Variants in NOD2 observed in about 807,000 individuals in gnomAD.
NOD2 encodes the protein nucleotide-binding oligomerization domain-containing protein 2.
Under a neutral mutation model 90.9 loss-of-function variants are expected in NOD2, and 86 were observed. The observed-to-expected ratio is 0.95, with a 90% CI of 0.79 to 1.13. The LOEUF (loss-of-function observed/expected upper bound fraction) is 1.13, where lower values mean the gene tolerates loss of function less well. NOD2 is among the 50% of genes most tolerant of loss of function. NOD2 has a pLI of 0.00. For missense variants in NOD2, 1,238 were observed against 1,283.8 expected (o/e 0.96, Z 0.55); for synonymous variants, 581 against 554.6 (o/e 1.05, Z -0.67).
At position 50,712,330 on chromosome 16, in the gene NOD2, G is replaced by A. The variant is rs748522514; in HGVS notation, c.2338G>A (p.Val780Met). The A allele has an allele frequency of 9.3e-6, 15 of 1,614,026 alleles. No homozygotes were observed. The highest frequency in any genetic ancestry group is 6.7e-5 in the East Asian group (3 of 44,890). ...LDYNSVGDIG[V>M]EQLLPCLGVC... ...CTACAACTCTGTGGGTGACATTGGC[G>A]TGGAGCAGCTGCTGCCTTGCCTTGG... The change falls in exon 4 of 12, where the codon GTG (valine) becomes ATG (methionine). Residue 780 changes from valine to methionine, a missense_variant. Around this residue, in one of 3 missense-constraint regions of NOD2, gnomAD observed 667 missense variants for 688.7 expected, o/e 0.97. Coordinates refer to ENST00000647318, the MANE Select transcript of NOD2 (RefSeq NM_001370466.1).
Position 50,707,861 on chromosome 16 carries a change from A to G in NOD2, c.466A>G (p.Arg156Gly), listed in dbSNP as rs1964269254. The G allele has an allele frequency of 1.2e-6, 2 of 1,612,462 alleles. No homozygotes were observed. The highest frequency in any genetic ancestry group is 1.7e-6 in the Non-Finnish European group (2 of 1,178,558). ...TCTTCTGCCTTTCCTGTAGGCAAGAAGGCTGCTTGATCTTGCCACGGTGAA... is the reference window on the plus strand; with the variant it reads ...TCTTCTGCCTTTCCTGTAGGCAAGAGGGCTGCTTGATCTTGCCACGGTGAA... The part of the protein sequence containing the change: ...PIFTPSQRAR[R>G]LLDLATVKAN... The change falls in exon 3 of 12, where the codon AGG becomes GGG. Residue 156 changes from arginine to glycine, a missense_variant. Arg to Gly is a moderately radical substitution (Grantham distance 125, BLOSUM62 -2). This residue lies in a region of NOD2 where 567 missense variants were observed against 577.3 expected (regional missense o/e 0.98). Transcript: ENST00000647318.
chr16:50,701,400 G>T (rs532879995), intron 2 of NOD2, among the ~76,000 whole-genome samples: 22 of 152,214 alleles, frequency 1.4e-4, no homozygotes, highest in African/African-American at 5.3e-4. Context: ...GTTCACATGA[G>T]TCTGGATAAC....
chr16:50,723,151 A>G, intron 8 of NOD2, 150 bp from the exon 9 acceptor site: 3 of 640,084 alleles, frequency 4.7e-6, no homozygotes, highest in South Asian at 1.8e-5. Context: ...AAAAAAAAAA[A>G]AAAGAAAAAA....
intron 7 of NOD2, 49 bp from the exon 8 acceptor site, chr16:50,722,573 A>G (rs752655295): frequency 3.9e-6 from 6 of 1,526,636 alleles, no homozygotes; most frequent in Non-Finnish European, 5.5e-6. Flanking sequence ...TCTAGAACAC[A>G]TATCAGGTAC....
intron 2 of NOD2, among the ~76,000 whole-genome samples, chr16:50,703,322 CA>C (rs1964022674): frequency 6.6e-6 from 1 of 152,002 alleles, no homozygotes; most frequent in Non-Finnish European, 1.5e-5. Flanking sequence ...AGTAGCAAGC[CA>C]AAAATAGCTG....
intron 9 of NOD2, among the ~76,000 whole-genome samples, chr16:50,724,065 G>A (rs907186318): frequency 1.3e-5 from 2 of 152,188 alleles, no homozygotes; most frequent in Non-Finnish European, 2.9e-5. Flanking sequence ...TGCTTATACT[G>A]TTGACCTGAA....
At chr16:50,717,405 T>C (rs1004652104) in intron 6 of NOD2, among the ~76,000 whole-genome samples, 39 of 152,214 alleles carry the variant, frequency 2.6e-4, no homozygotes, top group African/African-American at 8.4e-4. Flanking sequence ...AGGTTTGCAG[T>C]CCATCTGGTT....
intron 11 of NOD2, among the ~76,000 whole-genome samples, chr16:50,731,006 C>A (rs541527496): frequency 7.9e-5 from 12 of 152,154 alleles, no homozygotes; most frequent in Admixed American, 5.2e-4. Flanking sequence ...CAACACCAGA[C>A]CTTGTCTCTC....
chr16:50,708,805 G>A (rs546964907), intron 3 of NOD2, among the ~76,000 whole-genome samples: 1 of 152,298 alleles, frequency 6.6e-6, no homozygotes, highest in African/African-American at 2.4e-5. Context: ...GCCTGTGGGC[G>A]GGGTGGCTGG....
chr16:50,723,343 G>C lies in NOD2; in HGVS notation c.2760G>C (p.Leu920Phe), dbSNP rs765820451. The stretch of plus-strand genomic sequence containing the variant: ...TTGGCAGTGTGGGTGCCCAAGCCTT[G>C]GCACTGATGCTGGCAAAGAACGTCA... ...NNIGSVGAQALALMLAKNVML... is the reference protein window; with the variant it reads ...NNIGSVGAQAFALMLAKNVML... Residue 920 changes from leucine to phenylalanine, a missense_variant, in exon 9 of 12, where the codon TTG becomes TTC. By Grantham distance (22) the Leu-to-Phe change is conservative. This residue lies in a region of NOD2 where 667 missense variants were observed against 688.7 expected (regional missense o/e 0.97). Transcript: ENST00000647318. 6.2e-7 allele frequency: 1 copy of C among 1,613,914 alleles called. No homozygotes were observed. The highest frequency in any genetic ancestry group is 2.2e-5 in the East Asian group (1 of 44,870).
intron 4 of NOD2, among the ~76,000 whole-genome samples, chr16:50,714,910 C>T (rs1460187198): frequency 1.3e-5 from 2 of 152,142 alleles, no homozygotes; most frequent in East Asian, 3.9e-4. Context: ...GAGCACGCAC[C>T]ACCATGTAAA....
chr16:50,696,695 G>A (rs1229947523), intron 1 of NOD2, among the ~76,000 whole-genome samples: 1 of 152,220 alleles, frequency 6.6e-6, no homozygotes, highest in East Asian at 1.9e-4. Context: ...AGATGAGACA[G>A]GACAATGCCT....
At chr16:50,725,349 A>T in intron 9 of NOD2, 140 bp from the exon 10 acceptor site, 1 of 677,700 alleles carries the variant, frequency 1.5e-6, no homozygotes, top group Non-Finnish European at 2.7e-6. Flanking sequence ...GAGAATCCCC[A>T]CAACGTACTT....
At position 50,699,648 on chromosome 16, in the gene NOD2, C is replaced by T; in HGVS notation, c.153C>T (p.Gly51=). 3 of 1,614,178 alleles carry T rather than the reference C, an allele frequency of 1.9e-6. No individual in the cohort carries two copies. The highest frequency in any genetic ancestry group is 2.7e-5 in the African/African-American group (2 of 75,060). The change falls in exon 2 of 12, where the codon GGC becomes GGT. Residue 51 remains glycine (G), a synonymous_variant. Transcript: ENST00000647318. The part of the protein sequence containing the change: ...WEDYEGFHLL[G]QPLSHLARRL... The stretch of plus-strand genomic sequence containing the variant: ...ACTACGAGGGCTTCCACCTCCTGGG[C>T]CAGCCTCTCTCCCACTTGGCCAGGC...
chr16:50,699,856 C>T lies in NOD2; in HGVS notation c.361C>T (p.His121Tyr). The stretch of plus-strand genomic sequence containing the variant: ...AGCCATTGTCAGGAGGCTCCACAGC[C>T]ATGTGGAGAACATGCTGGACCTGGC... ...RPAIVRRLHS[H>Y]VENMLDLAWE... The change falls in exon 2 of 12, where the codon CAT becomes TAT. Residue 121 changes from histidine to tyrosine, a missense_variant. Coordinates refer to ENST00000647318, the MANE Select transcript of NOD2 (RefSeq NM_001370466.1). The T allele has an allele frequency of 1.2e-6, 2 of 1,613,564 alleles. No homozygotes were observed. Among genetic ancestry groups the T allele is most frequent in the Non-Finnish European group, 1.7e-6 (2 of 1,180,008 alleles).
chr16:50,727,894 T>C, intron 10 of NOD2: 1 of 214,790 alleles, frequency 4.7e-6, no homozygotes, highest in South Asian at 6.0e-5. Flanking sequence ...GACCATGACC[T>C]TTTTTTTTTG....
chr16:50,721,030 C>T (rs1965031778), intron 7 of NOD2, among the ~76,000 whole-genome samples: 1 of 151,804 alleles, frequency 6.6e-6, no homozygotes, highest in Non-Finnish European at 1.5e-5. Flanking sequence ...GTCTTGAACT[C>T]CTGATCTCAG....
chr16:50,701,969 G>A (rs1264665656), intron 2 of NOD2, among the ~76,000 whole-genome samples: 2 of 152,164 alleles, frequency 1.3e-5, no homozygotes, highest in East Asian at 3.9e-4. Context: ...TGAGATGGGG[G>A]TCTCACTGTG....
At position 50,723,461 on chromosome 16, in the gene NOD2, G is replaced by A. The variant is rs936280497; in HGVS notation, c.2801+77G>A. On this transcript the variant is annotated intron_variant, in intron 9 of 11. Transcript: ENST00000647318. ...ATCCCCTGGCCTCATCCATAGGAGC[G>A]GTTGTGTGGACAGACAAAGGTGGAT... 4.8e-5 allele frequency: 63 copies of A among 1,308,418 alleles called. 1 individual carries two copies. The highest frequency in any genetic ancestry group is 3.1e-4 in the South Asian group (26 of 83,034). 81.1% of individuals were successfully genotyped at this position (1,308,418 alleles called of 1,614,324 possible).
Sources: allele counts gnomAD v4.1 joint callset (sites outside exome capture counted in the v4.1 genomes callset), GRCh38; gene constraint gnomAD v4.1.1; regional missense constraint gnomAD v4.1.1; transcripts MANE v1.5; gene names NCBI Gene and HGNC (gene_info 2026-07-23, HGNC 2026-07-21).